Variants in EPHB1 observed in about 807,000 individuals in gnomAD.
The protein encoded by EPHB1 is EPH receptor B1.
In EPHB1, 30 loss-of-function variants were observed where a neutral mutation model predicts 94.4. The ratio of observed to expected loss-of-function variants is 0.32; its 90% CI spans 0.24 to 0.43. EPHB1 has a LOEUF of 0.43. EPHB1 is among the 20% of genes least tolerant of loss of function. EPHB1 has a pLI of 1.00. For missense variants in EPHB1, 1,055 were observed against 1,308.3 expected (o/e 0.81, Z 2.99); for synonymous variants, 522 against 489.1 (o/e 1.07, Z -0.89).
chr3:134,874,670 A>G (rs1219740597), intron 1 of EPHB1, among the ~76,000 whole-genome samples: 1 of 152,202 alleles, frequency 6.6e-6, no homozygotes, highest in Non-Finnish European at 1.5e-5. Context: ...ATGACCGGCA[A>G]GACTCCTGCA....
intron 12 of EPHB1, among the ~76,000 whole-genome samples, chr3:135,239,499 A>G (rs1241099285): frequency 6.6e-6 from 1 of 152,170 alleles, no homozygotes; most frequent in African/African-American, 2.4e-5. Context: ...CAGTGGCTTC[A>G]TGTTCCACGT....
chr3:135,243,577 A>T (rs886517166), intron 13 of EPHB1, among the ~76,000 whole-genome samples: 3 of 152,212 alleles, frequency 2.0e-5, no homozygotes, highest in Non-Finnish European at 4.4e-5. Flanking sequence ...CTTCATGCCC[A>T]TTCAGAAAGC....
intron 12 of EPHB1, among the ~76,000 whole-genome samples, chr3:135,234,324 GTTC>G (rs1353679655): frequency 2.0e-5 from 3 of 152,192 alleles, no homozygotes; most frequent in African/African-American, 7.2e-5. Flanking sequence ...TTCCCAACAA[GTTC>G]TTCTTCTCCA....
intron 3 of EPHB1, among the ~76,000 whole-genome samples, chr3:134,976,097 G>A (rs970771922): frequency 3.3e-5 from 5 of 152,006 alleles, no homozygotes; most frequent in African/African-American, 4.8e-5. Flanking sequence ...CCCTCTGTAC[G>A]GGTTAGTTAG....
At chr3:135,213,860 G>C (rs149677360) in intron 12 of EPHB1, among the ~76,000 whole-genome samples, 73 of 152,254 alleles carry the variant, frequency 4.8e-4, no homozygotes, top group African/African-American at 1.6e-3. Flanking sequence ...AGAGCCCCCA[G>C]GCTGTCTCTC....
Position 135,248,412 on chromosome 3 carries a change from C to A in EPHB1, c.2593C>A (p.Arg865=), listed in dbSNP as rs758204492. ...CATGCTGGACTGTTGGCAGAAGGACCGGAACAGCCGGCCCCGGTTTGCGGA... is the reference window on the plus strand; with the variant it reads ...CATGCTGGACTGTTGGCAGAAGGACAGGAACAGCCGGCCCCGGTTTGCGGA... ...QLMLDCWQKD[R]NSRPRFAEIV... The change falls in exon 14 of 16, where the codon CGG becomes AGG. Residue 865 remains arginine, a synonymous_variant. Transcript: ENST00000398015. 2 of 1,613,660 alleles carry A rather than the reference C, an allele frequency of 1.2e-6. No homozygotes were observed. The highest frequency in any genetic ancestry group is 1.7e-6 in the Non-Finnish European group (2 of 1,179,848).
intron 3 of EPHB1, among the ~76,000 whole-genome samples, chr3:135,068,647 AT>A (rs544925068): frequency 9.3e-4 from 131 of 141,326 alleles, no homozygotes; most frequent in Admixed American, 1.1e-3. Context: ...GAAGTTTTTA[AT>A]TTTTTTTTTT....
At chr3:134,994,577 C>T (rs1434497330) in intron 3 of EPHB1, among the ~76,000 whole-genome samples, 1 of 152,164 alleles carries the variant, frequency 6.6e-6, no homozygotes, top group South Asian at 2.1e-4. Flanking sequence ...GTATTCCTTG[C>T]ATAGCTCTGT....
At chr3:135,245,653 A>G (rs1943902446) in intron 13 of EPHB1, among the ~76,000 whole-genome samples, 2 of 152,018 alleles carry the variant, frequency 1.3e-5, no homozygotes, top group Admixed American at 1.3e-4. Context: ...TAAAAATACA[A>G]AAGTTTGCAG....
At chr3:135,052,492 T>G (rs1422240757) in intron 3 of EPHB1, among the ~76,000 whole-genome samples, 1 of 151,878 alleles carries the variant, frequency 6.6e-6, no homozygotes, top group African/African-American at 2.4e-5. Flanking sequence ...TGAATTTGAG[T>G]TTAGGCTCTG....
intron 12 of EPHB1, among the ~76,000 whole-genome samples, chr3:135,209,220 A>G (rs989594021): frequency 1.3e-5 from 2 of 152,234 alleles, no homozygotes; most frequent in South Asian, 4.1e-4. Context: ...CATCAGATTA[A>G]TAGCTAATTC....
chr3:134,981,627 TTTC>T (rs1256899163), intron 3 of EPHB1, among the ~76,000 whole-genome samples: 2 of 152,360 alleles, frequency 1.3e-5, no homozygotes, highest in South Asian at 2.1e-4. Context: ...TCATTCTTTT[TTTC>T]TTCTTCACAT....
chr3:134,855,614 A>G (rs1046176812), intron 1 of EPHB1, among the ~76,000 whole-genome samples: 2 of 152,162 alleles, frequency 1.3e-5, no homozygotes, highest in Non-Finnish European at 2.9e-5. Context: ...CCATAACCTG[A>G]TTGAGTAGTA....
chr3:134,799,599 C>T (rs2035896791), intron 1 of EPHB1, among the ~76,000 whole-genome samples: 1 of 152,206 alleles, frequency 6.6e-6, no homozygotes. Flanking sequence ...GACTCAGTCC[C>T]AGCTCAAACC....
intron 1 of EPHB1, among the ~76,000 whole-genome samples, chr3:134,900,153 A>G (rs1273868315): frequency 1.3e-5 from 2 of 152,134 alleles, no homozygotes; most frequent in Non-Finnish European, 2.9e-5. Context: ...CCTGTCTCAT[A>G]GGCTGCTGGG....
At chr3:135,004,343 G>A (rs1935305706) in intron 3 of EPHB1, among the ~76,000 whole-genome samples, 2 of 151,614 alleles carry the variant, frequency 1.3e-5, no homozygotes, top group Non-Finnish European at 2.9e-5. Flanking sequence ...TAGTCTGATG[G>A]TCTTCCCTTT....
At position 134,956,006 on chromosome 3, in the gene EPHB1, A is replaced by G. The variant is rs1456580636; in HGVS notation, c.805+3954A>G. Among the ~76,000 whole-genome samples the G allele has an allele frequency of 2.6e-5, 4 of 151,998 alleles. No homozygotes were observed. The East Asian group carries it at 7.7e-4, about 29-fold the overall frequency. ...GGCTCTTCCTGTGCCAGGGAGGCCG[A>G]GTTGGCTCTCAGCAGACTCTCTCTC... On this transcript the variant is annotated intron_variant, in intron 3 of 15. Coordinates refer to ENST00000398015, the MANE Select transcript of EPHB1 (RefSeq NM_004441.5).
At chr3:134,978,034 C>A in intron 3 of EPHB1, 1 of 455,530 alleles carries the variant, frequency 2.2e-6, no homozygotes, top group Non-Finnish European at 4.4e-6. Flanking sequence ...ATTTCTGCCA[C>A]ACTCACACAG....
intron 12 of EPHB1, among the ~76,000 whole-genome samples, chr3:135,218,339 C>T (rs188073226): frequency 4.6e-5 from 7 of 152,304 alleles, no homozygotes; most frequent in Admixed American, 2.0e-4. Flanking sequence ...GATATCTCTC[C>T]CTGGGTCACT....
Sources: gnomAD v4.1 joint callset for allele counts (sites outside exome capture counted in the v4.1 genomes callset) on GRCh38, gnomAD v4.1.1 for gene constraint, MANE v1.5 for transcripts, NCBI Gene and HGNC (gene_info 2026-07-23, HGNC 2026-07-21) for gene names.